PKD2L1: variants seen among roughly 807,000 people sequenced by gnomAD.
PKD2L1 encodes the protein polycystin 2 like 1, transient receptor potential cation channel, also known as polycystin-2-like protein 1.
PKD2L1 carries 77 observed loss-of-function variants against 93.0 expected under a neutral mutation model. That is an observed-to-expected ratio of 0.83 (90% CI 0.69 to 1.00). The LOEUF is 1.00. Among genes scored for constraint, PKD2L1 ranks in the 50% least tolerant of loss-of-function variants. The pLI is 0.00. For synonymous variants in PKD2L1, 390 were observed against 388.0 expected, an observed-to-expected ratio of 1.01 and a Z score of -0.06; for missense variants, 977 against 990.9, an observed-to-expected ratio of 0.99 and a Z score of 0.19.
chr10:100,330,001 G>T lies in PKD2L1; in HGVS notation c.103C>A (p.Leu35Met), dbSNP rs1849469469. ...YSGPPSPHGT[L>M]RVCTISSTGP... ...GTGCTGGAGATGGTGCAGACTCTCA[G>T]CGTCCCGTGTGGGGAAGGGGGACCA... The change falls in exon 1 of 16, where the codon CTG (leucine) becomes ATG (methionine). Residue 35 changes from leucine (L) to methionine (M), a missense_variant. Coordinates refer to ENST00000318222, the MANE Select transcript of PKD2L1 (RefSeq NM_016112.3). 1 of 1,613,834 alleles carries T rather than the reference G, an allele frequency of 6.2e-7. No homozygotes were observed. Among genetic ancestry groups the T allele is most frequent in the Non-Finnish European group, 8.5e-7 (1 of 1,179,892 alleles).
chr10:100,306,747 C>G (rs1160609213), intron 2 of PKD2L1, among the ~76,000 whole-genome samples: 1 of 150,258 alleles, frequency 6.7e-6, no homozygotes, highest in East Asian at 2.0e-4. Flanking sequence ...GTCCCAGCTA[C>G]TCGGGGGACT....
At position 100,297,596 on chromosome 10, in the gene PKD2L1, G is replaced by A. The variant is rs765987147; in HGVS notation, c.742C>T (p.His248Tyr). Reference protein sequence around the residue: ...GPFNGTAWTYHSQDELGGFSH... With the variant: ...GPFNGTAWTYYSQDELGGFSH... ...AAGCCCCCCAACTCATCCTGCGAGT[G>A]GTATGTCCACCTGCCACAGAAAATG... is the stretch of plus-strand genomic sequence containing the variant. Residue 248 changes from histidine (H) to tyrosine (Y), a missense_variant, in exon 5 of 16, where the codon CAC becomes TAC. His to Tyr is a moderately conservative substitution (Grantham distance 83). Coordinates refer to ENST00000318222, the MANE Select transcript of PKD2L1 (RefSeq NM_016112.3). 1 of 1,612,796 alleles carries A rather than the reference G, an allele frequency of 6.2e-7. No homozygotes were observed. Among genetic ancestry groups the A allele is most frequent in the South Asian group, 1.1e-5 (1 of 91,036 alleles).
intron 2 of PKD2L1, among the ~76,000 whole-genome samples, chr10:100,309,345 T>C (rs950175063): frequency 6.6e-6 from 1 of 151,820 alleles, no homozygotes; most frequent in Non-Finnish European, 1.5e-5. Flanking sequence ...CTTTTCATTC[T>C]CATGGATATT....
At position 100,329,214 on chromosome 10, in the gene PKD2L1, G is replaced by C. The variant is rs562099298; in HGVS notation, c.346C>G (p.Leu116Val). 1.2e-6 allele frequency: 2 copies of C among 1,613,968 alleles called. No individual in the cohort carries two copies. Among genetic ancestry groups the C allele is most frequent in the Non-Finnish European group, 1.7e-6 (2 of 1,179,862 alleles). ...CACAAACACAGATGCTACTCACGTA[G>C]ACAGATGTCCACCAGGAACACAATA... Reference protein sequence around the residue: ...VYIVFLVDICLLTYGMTSSSA... With the variant: ...VYIVFLVDICVLTYGMTSSSA... The change falls in exon 2 of 16, where the codon CTA becomes GTA. Residue 116 changes from leucine to valine, a missense_variant. By Grantham distance (32) the Leu-to-Val change is conservative. Transcript: ENST00000318222.
At chr10:100,315,522 C>A (rs929346088) in intron 2 of PKD2L1, among the ~76,000 whole-genome samples, 1 of 152,014 alleles carries the variant, frequency 6.6e-6, no homozygotes, top group Non-Finnish European at 1.5e-5. Flanking sequence ...TGAGAGCATG[C>A]GATGTTTGGT....
At chr10:100,306,403 G>C (rs745660090) in intron 2 of PKD2L1, among the ~76,000 whole-genome samples, 4 of 152,136 alleles carry the variant, frequency 2.6e-5, no homozygotes, top group African/African-American at 4.8e-5. Flanking sequence ...AGGGCTCTCA[G>C]AACTTCCCAG....
intron 11 of PKD2L1, 94 bp from the exon 12 acceptor site, chr10:100,291,521 G>T: frequency 2.2e-6 from 3 of 1,366,774 alleles, no homozygotes; most frequent in Non-Finnish European, 3.0e-6. Context: ...TCTGGCAAAA[G>T]TTTTGCTTCT....
chr10:100,291,270 C>T (rs377542426), intron 12 of PKD2L1, 31 bp downstream of exon 12: 50 of 1,605,132 alleles, frequency 3.1e-5, no homozygotes, highest in Non-Finnish European at 3.8e-5. Context: ...TATTTCCTTA[C>T]ACTGCCTCTC....
chr10:100,291,464 G>A (rs1848406521), intron 11 of PKD2L1, 37 bp from the exon 12 acceptor site: 1 of 1,610,914 alleles, frequency 6.2e-7, no homozygotes, highest in Non-Finnish European at 8.5e-7. Flanking sequence ...CTGCCCAGCT[G>A]TGGCTGTGAC....
At chr10:100,310,030 A>G (rs572504598) in intron 2 of PKD2L1, among the ~76,000 whole-genome samples, 1 of 152,332 alleles carries the variant, frequency 6.6e-6, no homozygotes, top group African/African-American at 2.4e-5. Context: ...TGAGGAAAAG[A>G]GAGCTAGAAA....
At chr10:100,325,261 GCTACA>G (rs1211197341) in intron 2 of PKD2L1, among the ~76,000 whole-genome samples, 3 of 152,094 alleles carry the variant, frequency 2.0e-5, no homozygotes, top group Non-Finnish European at 4.4e-5. Context: ...ACTCTTGGGG[GCTACA>G]TCGTCCCCAC....
Position 100,290,531 on chromosome 10 carries a change from G to A in PKD2L1, c.2008-12C>T. 1 of 1,567,206 alleles carries A rather than the reference G, an allele frequency of 6.4e-7. No individual in the cohort carries two copies. The highest frequency in any genetic ancestry group is 1.3e-5 in the African/African-American group (1 of 74,144). ...GTGTTGAGGGCCACCTGCTCAGGAA[G>A]TCAGAGGTTAGAGGGGAGGAGATAA... is the stretch of plus-strand genomic sequence containing the variant. On this transcript the variant is annotated splice_polypyrimidine_tract_variant and intron_variant, in intron 12 of 15. Transcript: ENST00000318222.
rs1032996232 is a variant in PKD2L1 at position 100,299,586 on chromosome 10, C to T, written c.477+5G>A. On this transcript the variant is annotated splice_donor_5th_base_variant and intron_variant, in intron 3 of 15. Coordinates refer to ENST00000318222, the MANE Select transcript of PKD2L1 (RefSeq NM_016112.3). The stretch of plus-strand genomic sequence containing the variant: ...GGGGAGGGGTAGAAAAGATCTTATA[C>T]TCACATCCCAGAAGTCCGCCATGCT... 10 of 1,613,518 alleles carry T rather than the reference C, an allele frequency of 6.2e-6. No individual in the cohort carries two copies. The highest frequency in any genetic ancestry group is 1.7e-4 in the Middle Eastern group (1 of 6,048).
intron 2 of PKD2L1, among the ~76,000 whole-genome samples, chr10:100,317,555 A>T (rs1004165239): frequency 6.6e-6 from 1 of 152,152 alleles, no homozygotes; most frequent in Non-Finnish European, 1.5e-5. Flanking sequence ...ACAAACAAAG[A>T]AAAATTTTAA....
intron 3 of PKD2L1, 71 bp from the exon 4 acceptor site, chr10:100,298,886 C>G: frequency 1.4e-6 from 2 of 1,456,406 alleles, no homozygotes; most frequent in South Asian, 1.4e-5. Context: ...GACCTTTGCC[C>G]TCATCCTCTG....
At position 100,294,948 on chromosome 10, in the gene PKD2L1, T is replaced by C; in HGVS notation, c.1532A>G (p.Lys511Arg). Residue 511 changes from lysine to arginine, a missense_variant, in exon 8 of 16, where the codon AAG becomes AGG. Transcript: ENST00000318222. ...TQVENFSTFIKCIFTQFRIIL... is the reference protein window; with the variant it reads ...TQVENFSTFIRCIFTQFRIIL... ...AAGGGGACAGGACACACACATGCAC[T>C]TGATGAAAGTGCTAAAGTTTTCCAC... 1 of 1,612,886 alleles carries C rather than the reference T, an allele frequency of 6.2e-7. No homozygotes were observed. Among genetic ancestry groups the C allele is most frequent in the African/African-American group, 1.3e-5 (1 of 75,006 alleles).
In PKD2L1 at chr10:100,294,924, AG is replaced by A. The variant is rs1564881144; in HGVS notation, c.1538+17del. On this transcript the variant is annotated intron_variant, in intron 8 of 15. Transcript: ENST00000318222. ...AGGGTGAGGGGCCAGGGAGGAGTGAAGGGGACAGGACACACACATGCACTTG... is the reference window on the plus strand; with the variant it reads ...AGGGTGAGGGGCCAGGGAGGAGTGAAGGGACAGGACACACACATGCACTTG... 1 of 1,603,370 alleles carries A rather than the reference AG, an allele frequency of 6.2e-7. No homozygotes were observed. Among genetic ancestry groups the A allele is most frequent in the East Asian group, 2.2e-5 (1 of 44,666 alleles).
At position 100,293,307 on chromosome 10, in the gene PKD2L1, G is replaced by T; in HGVS notation, c.1732C>A (p.Leu578Met). The T allele has an allele frequency of 6.2e-7, 1 of 1,612,274 alleles. No individual in the cohort carries two copies. Among genetic ancestry groups the T allele is most frequent in the Non-Finnish European group, 8.5e-7 (1 of 1,178,260 alleles). The change falls in exon 10 of 16, where the codon CTG becomes ATG. Residue 578 changes from leucine (L) to methionine (M), a missense_variant. Transcript: ENST00000318222. ...KEELAGQKDE[L>M]QLSDLLKQGY... ...TGTTTCAGGAGGTCAGAAAGTTGCAGCTCATCCTTCTGTCCAGCCAGCTCC... is the reference window on the plus strand; with the variant it reads ...TGTTTCAGGAGGTCAGAAAGTTGCATCTCATCCTTCTGTCCAGCCAGCTCC...
intron 8 of PKD2L1, 113 bp downstream of exon 8, chr10:100,294,829 G>T: frequency 7.7e-7 from 1 of 1,297,900 alleles, no homozygotes; most frequent in Non-Finnish European, 1.1e-6. Context: ...TCACACAGAT[G>T]CTTTGAACAC....
Sources: gnomAD v4.1 joint callset for allele counts (sites outside exome capture counted in the v4.1 genomes callset) on GRCh38, gnomAD v4.1.1 for gene constraint, MANE v1.5 for transcripts, NCBI Gene and HGNC (gene_info 2026-07-23, HGNC 2026-07-21) for gene names.